RANBP17: variants seen among roughly 807,000 people sequenced by gnomAD.
The protein encoded by RANBP17 is RAN binding protein 17, also known as ran-binding protein 17.
In RANBP17, 158 loss-of-function variants were observed where a neutral mutation model predicts 141.2. That is an observed-to-expected ratio of 1.12 (90% CI 0.98 to 1.28). RANBP17 has a LOEUF of 1.28. Ranked by LOEUF, RANBP17 falls within the 50% of genes most tolerant of loss-of-function variation. The pLI is 0.00. For synonymous variants in RANBP17, 430 were observed against 450.0 expected, an observed-to-expected ratio of 0.96 and a Z score of 0.56; for missense variants, 1,438 against 1,290.7, an observed-to-expected ratio of 1.11 and a Z score of -1.75.
chr5:171,187,282 G>T (rs755884442), intron 18 of RANBP17, among the ~76,000 whole-genome samples: 2 of 151,938 alleles, frequency 1.3e-5, no homozygotes, highest in Non-Finnish European at 2.9e-5. Context: ...ACATCAAAGG[G>T]CACAGATTAC....
intron 3 of RANBP17, among the ~76,000 whole-genome samples, chr5:170,884,916 T>C (rs1351230105): frequency 1.4e-5 from 2 of 138,362 alleles, no homozygotes; most frequent in African/African-American, 5.1e-5. Context: ...AAATCATCTG[T>C]AAATTCTGAT....
At chr5:171,161,383 G>T (rs545059543) in intron 14 of RANBP17, 1 of 193,510 alleles carries the variant, frequency 5.2e-6, no homozygotes, top group African/African-American at 2.3e-5. Context: ...CAGGTGGCAG[G>T]TCCCTAAACT....
chr5:171,289,488 A>T (rs1384614146), intron 25 of RANBP17, among the ~76,000 whole-genome samples: 1 of 152,204 alleles, frequency 6.6e-6, no homozygotes, highest in African/African-American at 2.4e-5. Flanking sequence ...GCTCACTCCC[A>T]GCACTTCGGG....
At chr5:171,296,195 G>A (rs1052463968) in intron 27 of RANBP17, among the ~76,000 whole-genome samples, 181 bp downstream of exon 27, 14 of 152,050 alleles carry the variant, frequency 9.2e-5, no homozygotes, top group Admixed American at 5.2e-4. Context: ...TCCTCCAGGC[G>A]TCATACTAGG....
intron 18 of RANBP17, among the ~76,000 whole-genome samples, chr5:171,186,460 A>T (rs922130912): frequency 1.3e-5 from 2 of 150,502 alleles, no homozygotes; most frequent in African/African-American, 4.9e-5. Context: ...GCTTTCATAG[A>T]ATAGAGTTAG....
chr5:170,926,083 A>G (rs1296765948), intron 12 of RANBP17, among the ~76,000 whole-genome samples: 1 of 152,178 alleles, frequency 6.6e-6, no homozygotes, highest in Non-Finnish European at 1.5e-5. Flanking sequence ...TTGACATCCT[A>G]CCAATAGTGT....
At chr5:171,244,845 G>A (rs1472200783) in intron 24 of RANBP17, among the ~76,000 whole-genome samples, 1 of 151,922 alleles carries the variant, frequency 6.6e-6, no homozygotes, top group African/African-American at 2.4e-5. Context: ...TTTATAATAG[G>A]CCAGGCGCGG....
At chr5:170,922,699 T>C (rs1772570171) in intron 11 of RANBP17, among the ~76,000 whole-genome samples, 1 of 152,194 alleles carries the variant, frequency 6.6e-6, no homozygotes, top group South Asian at 2.1e-4. Context: ...GTCAGAAGTG[T>C]ACTGTTTCTG....
chr5:171,132,475 CACTT>C, intron 14 of RANBP17, among the ~76,000 whole-genome samples: 1 of 151,476 alleles, frequency 6.6e-6, no homozygotes, highest in Non-Finnish European at 1.5e-5. Flanking sequence ...GTAATCCAAA[CACTT>C]TGGGAGGCCG....
At chr5:171,295,368 G>C (rs1237973058) in intron 26 of RANBP17, among the ~76,000 whole-genome samples, 1 of 152,066 alleles carries the variant, frequency 6.6e-6, no homozygotes, top group African/African-American at 2.4e-5. Context: ...CACCTCAGAG[G>C]AGTAAACCCA....
At chr5:170,936,548 T>C (rs1773895848) in intron 12 of RANBP17, among the ~76,000 whole-genome samples, 1 of 152,228 alleles carries the variant, frequency 6.6e-6, no homozygotes, top group Non-Finnish European at 1.5e-5. Flanking sequence ...TTCCTAGTTA[T>C]TGTTACTGAT....
Position 171,295,893 on chromosome 5 carries a change from A to G in RANBP17, c.3049A>G (p.Ser1017Gly), listed in dbSNP as rs1331263290. ...CTATTCTGTCTCCCATCAGTATTTC[A>G]GTGAACTGAGAGCAAGTTTGATAAA... ...GLILLNEKYF[S>G]ELRASLINSQ... Residue 1017 changes from serine (S) to glycine (G), a missense_variant, in exon 27 of 28, where the codon AGT (serine) becomes GGT (glycine). Ser to Gly is a moderately conservative substitution (Grantham distance 56). Transcript: ENST00000523189. The G allele has an allele frequency of 6.2e-7, 1 of 1,612,970 alleles. No homozygotes were observed. Among genetic ancestry groups the G allele is most frequent in the African/African-American group, 1.3e-5 (1 of 74,864 alleles).
At chr5:171,113,817 T>C (rs1349950913) in intron 14 of RANBP17, among the ~76,000 whole-genome samples, 1 of 152,140 alleles carries the variant, frequency 6.6e-6, no homozygotes, top group Non-Finnish European at 1.5e-5. Context: ...ACTTTTAAAA[T>C]AATGCTAGAA....
chr5:171,058,134 C>T (rs1004661462), intron 14 of RANBP17, among the ~76,000 whole-genome samples: 1 of 151,868 alleles, frequency 6.6e-6, no homozygotes, highest in African/African-American at 2.4e-5. Flanking sequence ...CTATTTCTCT[C>T]TTACCTCACT....
chr5:170,870,720 C>G (rs1178278604), intron 1 of RANBP17, among the ~76,000 whole-genome samples: 1 of 152,074 alleles, frequency 6.6e-6, no homozygotes, highest in Non-Finnish European at 1.5e-5. Flanking sequence ...ATTTATATTC[C>G]TTTGAGTATA....
intron 14 of RANBP17, among the ~76,000 whole-genome samples, chr5:171,014,097 A>G (rs1205926232): frequency 6.6e-6 from 1 of 152,100 alleles, no homozygotes; most frequent in Non-Finnish European, 1.5e-5. Flanking sequence ...TCATGCTAAT[A>G]TTCTTTGCTC....
rs549499475 is a variant in RANBP17, at chr5:171,148,199, G to A, written c.1711-21931G>A. Among the ~76,000 whole-genome samples the A allele has an allele frequency of 2.6e-5, 4 of 152,148 alleles. No individual in the cohort carries two copies. In the East Asian group the frequency reaches 5.8e-4, roughly 22 times the overall value. On this transcript the variant is annotated intron_variant, in intron 14 of 27. Coordinates refer to ENST00000523189, the MANE Select transcript of RANBP17 (RefSeq NM_022897.5). ...ACAGATGCTTGAAGGCAGCATGCTCGTTAAGAGTCATCACCAATCCCTAAT... is the reference window on the plus strand; with the variant it reads ...ACAGATGCTTGAAGGCAGCATGCTCATTAAGAGTCATCACCAATCCCTAAT...
At chr5:171,030,849 G>A (rs527340859) in intron 14 of RANBP17, among the ~76,000 whole-genome samples, 1 of 152,074 alleles carries the variant, frequency 6.6e-6, no homozygotes, top group African/African-American at 2.4e-5. Context: ...GTAGAAATTA[G>A]CAGACTACAA....
At chr5:170,995,841 A>G (rs1004971715) in intron 14 of RANBP17, among the ~76,000 whole-genome samples, 6 of 152,140 alleles carry the variant, frequency 3.9e-5, no homozygotes, top group African/African-American at 1.4e-4. Flanking sequence ...TTTAAACATC[A>G]CTAAAACGAT....
Sources: gnomAD v4.1 joint callset for allele counts (sites outside exome capture counted in the v4.1 genomes callset) on GRCh38, gnomAD v4.1.1 for gene constraint, MANE v1.5 for transcripts, NCBI Gene and HGNC (gene_info 2026-07-23, HGNC 2026-07-21) for gene names.